IGF2R: variants seen among roughly 807,000 people sequenced by gnomAD.
The protein encoded by IGF2R is cation-independent mannose-6-phosphate receptor.
IGF2R carries 91 observed loss-of-function variants against 270.6 expected under a neutral mutation model. The observed-to-expected ratio is 0.34, with a 90% confidence interval of 0.28 to 0.40. The LOEUF is 0.40. Among genes scored for constraint, IGF2R ranks in the 10% least tolerant of loss-of-function variants. The pLI is 1.00. For synonymous variants in IGF2R, 1,316 were observed against 1,258.9 expected, an observed-to-expected ratio of 1.05 and a Z score of -0.96; for missense variants, 2,805 against 3,188.3, an observed-to-expected ratio of 0.88 and a Z score of 2.90.
At chr6:160,090,956 A>G (rs1205173370) in intron 44 of IGF2R, among the ~76,000 whole-genome samples, 1 of 144,642 alleles carries the variant, frequency 6.9e-6, no homozygotes, top group Non-Finnish European at 1.5e-5. Context: ...CATCGCCGAG[A>G]AGGAGCGGGT....
At chr6:159,995,968 T>G in intron 2 of IGF2R, among the ~76,000 whole-genome samples, 1 of 151,244 alleles carries the variant, frequency 6.6e-6, no homozygotes, top group East Asian at 1.9e-4. Context: ...AAACTATCTC[T>G]TCTTTATTTT....
chr6:160,096,481 G>C lies in IGF2R; in HGVS notation c.6698G>C (p.Gly2233Ala), dbSNP rs369495972. ...DVVFASSSKC[G>A]KDKTKSVSST... Reference sequence around the variant, plus strand: ...GTGTTTGCCTCTTCCTCTAAGTGCGGAAAGGATAAGACCAAGTCTGTTTCT... The same window carrying C: ...GTGTTTGCCTCTTCCTCTAAGTGCGCAAAGGATAAGACCAAGTCTGTTTCT... Residue 2233 changes from glycine (G) to alanine (A), a missense_variant, in exon 45 of 48, where the codon GGA becomes GCA. Coordinates refer to ENST00000356956, the MANE Select transcript of IGF2R (RefSeq NM_000876.4). 1.9e-6 allele frequency: 3 copies of C among 1,613,718 alleles called. No individual in the cohort carries two copies. In the African/African-American group the frequency reaches 4.0e-5, roughly 22 times the overall value.
intron 17 of IGF2R, 127 bp from the exon 18 acceptor site, chr6:160,048,248 C>T (rs1199756752): frequency 1.2e-5 from 11 of 910,712 alleles, no homozygotes; most frequent in Non-Finnish European, 1.9e-5. Flanking sequence ...GACAAGCCAA[C>T]TCCTGGTAGT....
chr6:160,024,636 G>A lies in IGF2R; in HGVS notation c.578G>A (p.Ser193Asn). ...GATCTCAATCCTCTGATCAAGCTTA[G>A]TGGTGCCTACTTGGTGGATGACTCC... is the stretch of plus-strand genomic sequence containing the variant. Reference protein sequence around the residue: ...KHDLNPLIKLSGAYLVDDSDP... With the variant: ...KHDLNPLIKLNGAYLVDDSDP... The change falls in exon 5 of 48, where the codon AGT becomes AAT. Residue 193 changes from serine (S) to asparagine (N), a missense_variant. Transcript: ENST00000356956. The A allele has an allele frequency of 6.2e-7, 1 of 1,614,050 alleles. No homozygotes were observed. The highest frequency in any genetic ancestry group is 1.3e-5 in the African/African-American group (1 of 75,004).
intron 1 of IGF2R, among the ~76,000 whole-genome samples, chr6:159,980,247 G>GAAAGAAGGA (rs1783778053): frequency 6.6e-6 from 1 of 150,746 alleles, no homozygotes; most frequent in African/African-American, 2.4e-5. Flanking sequence ...AAGGTACATG[G>GAAAGAAGGA]AAGATTCGAT....
At position 160,050,797 on chromosome 6, in the gene IGF2R, A is replaced by G; in HGVS notation, c.2694+145A>G. ...TCTGCTTAAGGTCAGTGTGCGGTAT[A>G]TATGTTCACAGGCAGGGAGTGATTT... On this transcript the variant is annotated intron_variant, in intron 19 of 47. Transcript: ENST00000356956. The surrounding 1 kb of genome is among the most constrained non-coding windows in gnomAD (Gnocchi z 4.0). 1 of 646,904 alleles carries G rather than the reference A, an allele frequency of 1.5e-6. No homozygotes were observed. The highest frequency in any genetic ancestry group is 2.6e-6 in the Non-Finnish European group (1 of 390,798). The allele number at this position is 646,904 out of a possible 1,614,324, so 40.1% of individuals were successfully genotyped here.
In IGF2R at chr6:160,009,113, C is replaced by T. The variant is rs375169962; in HGVS notation, c.393C>T (p.Ala131=). 12 of 1,613,704 alleles carry T rather than the reference C, an allele frequency of 7.4e-6. No homozygotes were observed. Among genetic ancestry groups the T allele is most frequent in the Non-Finnish European group, 1.0e-5 (12 of 1,179,906 alleles). ...GTNHRVQSSI[A]FLCGKTLGTP... ...ATCACAGAGTCCAGAGCAGCATTGC[C>T]TTCCTGTGTGGGAAAACCCTGGTGA... The change falls in exon 3 of 48, where the codon GCC becomes GCT. Residue 131 remains alanine, a synonymous_variant. Coordinates refer to ENST00000356956, the MANE Select transcript of IGF2R (RefSeq NM_000876.4).
intron 1 of IGF2R, among the ~76,000 whole-genome samples, chr6:159,989,247 GTGACCCCACCAGGGC>G (rs1783939530): frequency 6.6e-6 from 1 of 152,172 alleles, no homozygotes; most frequent in African/African-American, 2.4e-5. Flanking sequence ...TCGTCTTCCA[GTGACCCCACCAGGGC>G]TGCTCTTTCT....
At position 159,997,588 on chromosome 6, in the gene IGF2R, C is replaced by T. The variant is rs376022607; in HGVS notation, c.289+6265C>T. Among the ~76,000 whole-genome samples the T allele has an allele frequency of 2.3e-4, 35 of 152,202 alleles. 1 individual carries two copies. Among genetic ancestry groups the T allele is most frequent in the African/African-American group, 8.2e-4 (34 of 41,444 alleles). On this transcript the variant is annotated intron_variant, in intron 2 of 47. Transcript: ENST00000356956. ...AGGTGAGGGGCAGCAACAGCATTCC[C>T]GCCACCCCTTTCAAAGGAATACCAA... is the stretch of plus-strand genomic sequence containing the variant.
rs1228611010 is a variant in IGF2R, at chr6:160,090,067, G to A, written c.6619G>A (p.Val2207Ile). The A allele has an allele frequency of 1.3e-6, 2 of 1,580,892 alleles. No individual in the cohort carries two copies. The highest frequency in any genetic ancestry group is 2.3e-5 in the South Asian group (2 of 86,152). ...KPNDQHFSRK[V>I]GTSDKTKYYL... is the part of the protein sequence containing the mutation. ...CAACGATCAGCACTTCAGTCGGAAA[G>A]TTGGAACCTCTGACAAGACCAAGTA... The change falls in exon 44 of 48, where the codon GTT (valine) becomes ATT (isoleucine). Residue 2207 changes from valine to isoleucine, a missense_variant. Val to Ile is a conservative substitution (Grantham distance 29). This residue lies in a region of IGF2R where 1,851 missense variants were observed against 2,207.2 expected (regional missense o/e 0.84). Coordinates refer to ENST00000356956, the MANE Select transcript of IGF2R (RefSeq NM_000876.4).
At chr6:160,092,834 C>G (rs1189617094) in intron 44 of IGF2R, among the ~76,000 whole-genome samples, 1 of 152,210 alleles carries the variant, frequency 6.6e-6, no homozygotes, top group African/African-American at 2.4e-5. Context: ...CCTCTGCATT[C>G]CTGGCACCCA....
chr6:160,037,604 A>G (rs1336214742), intron 10 of IGF2R, among the ~76,000 whole-genome samples: 3 of 152,238 alleles, frequency 2.0e-5, no homozygotes, highest in Non-Finnish European at 4.4e-5. Context: ...ATTTTTTACC[A>G]GTTTAAATCT....
chr6:160,029,736 C>A, intron 7 of IGF2R, 81 bp downstream of exon 7: 3 of 935,934 alleles, frequency 3.2e-6, no homozygotes, highest in African/African-American at 1.6e-5. Flanking sequence ...GGGCTTGGGG[C>A]AGGGTGGGCC....
At chr6:160,072,276 C>T (rs959710387) in intron 32 of IGF2R, among the ~76,000 whole-genome samples, 54 of 152,258 alleles carry the variant, frequency 3.5e-4, no homozygotes, top group African/African-American at 1.1e-3. Context: ...CTGTCACTCT[C>T]CTGGTGTGAG....
At chr6:159,979,566 T>C (rs1190295672) in intron 1 of IGF2R, among the ~76,000 whole-genome samples, 1 of 152,188 alleles carries the variant, frequency 6.6e-6, no homozygotes, top group Non-Finnish European at 1.5e-5. Context: ...GGAGAGCTGG[T>C]GGCAGAGTCG....
intron 6 of IGF2R, 102 bp from the exon 7 acceptor site, chr6:160,029,448 C>T (rs1313490898): frequency 1.2e-5 from 8 of 662,734 alleles, no homozygotes; most frequent in Admixed American, 2.3e-5. Flanking sequence ...CTGTTACCCT[C>T]TCCTCCCCCC....
At chr6:160,017,341 C>G (rs1173461151) in intron 4 of IGF2R, among the ~76,000 whole-genome samples, 1 of 152,146 alleles carries the variant, frequency 6.6e-6, no homozygotes, top group Admixed American at 6.5e-5. Flanking sequence ...AGGAAATGAA[C>G]GAAGTGTTTG....
At position 160,073,972 on chromosome 6, in the gene IGF2R, C is replaced by T. The variant is rs774019650; in HGVS notation, c.5163C>T (p.Pro1721=). 1 of 1,608,306 alleles carries T rather than the reference C, an allele frequency of 6.2e-7. No homozygotes were observed. Among genetic ancestry groups the T allele is most frequent in the Non-Finnish European group, 8.5e-7 (1 of 1,176,112 alleles). ...AVCKVPIDGP[P]IDIGRVAGPP... ...GCAAAGTTCCTATTGATGGTCCCCC[C>T]ATAGTAAGTATGACAAATCCAAGGG... Residue 1721 remains proline (P), a synonymous_variant, in exon 35 of 48, where the codon CCC becomes CCT. Coordinates refer to ENST00000356956, the MANE Select transcript of IGF2R (RefSeq NM_000876.4).
rs966090348 is a variant in IGF2R at position 160,009,158 on chromosome 6, G to A, written c.414+24G>A. ...TGGTGAGTCCACACAGGCACTTGAT[G>A]TATTTCTTTAAAAAAAAAAAGGTCT... On this transcript the variant is annotated intron_variant, in intron 3 of 47. Transcript: ENST00000356956. The A allele has an allele frequency of 4.4e-6, 7 of 1,584,774 alleles. No individual in the cohort carries two copies. In the East Asian group the frequency reaches 1.1e-4, roughly 26 times the overall value.
Sources: gnomAD v4.1 joint callset for allele counts (sites outside exome capture counted in the v4.1 genomes callset) on GRCh38, gnomAD v4.1.1 for gene constraint, gnomAD v4.1.1 regional missense constraint, Gnocchi (gnomAD v3.1) non-coding constraint, MANE v1.5 for transcripts, NCBI Gene and HGNC (gene_info 2026-07-23, HGNC 2026-07-21) for gene names.